Variants in STARD9 observed in about 807,000 individuals in gnomAD.
The protein encoded by STARD9 is StAR related lipid transfer domain containing 9.
STARD9 carries 346 observed loss-of-function variants against 399.8 expected under a neutral mutation model. That is an observed-to-expected ratio of 0.87 (90% CI 0.79 to 0.95). STARD9 has a LOEUF of 0.95. Among genes scored for constraint, STARD9 ranks in the 40% least tolerant of loss-of-function variants. The pLI is 0.00. For missense variants in STARD9, 5,832 were observed against 5,667.5 expected (o/e 1.03, Z -0.93); for synonymous variants, 2,203 against 2,143.5 (o/e 1.03, Z -0.77).
intron 3 of STARD9, among the ~76,000 whole-genome samples, chr15:42,621,875 G>C (rs768786507): frequency 6.6e-6 from 1 of 152,112 alleles, no homozygotes; most frequent in Non-Finnish European, 1.5e-5. Context: ...TTCTGTTGGG[G>C]TATCACTGTT....
At chr15:42,615,424 A>C (rs1333319634) in intron 3 of STARD9, among the ~76,000 whole-genome samples, 5 of 152,166 alleles carry the variant, frequency 3.3e-5, no homozygotes, top group Non-Finnish European at 1.5e-5. Context: ...AATACATTGC[A>C]TCTTCCTTGG....
Position 42,690,768 on chromosome 15 carries a change from G to C in STARD9, c.9190G>C (p.Asp3064His), listed in dbSNP as rs750643220. The change falls in exon 23 of 33, where the codon GAC (aspartate) becomes CAC (histidine). Residue 3064 changes from aspartate (D) to histidine (H), a missense_variant. Asp to His is a moderately conservative substitution (Grantham distance 81). This residue lies in a region of STARD9 where 5,828 missense variants were observed against 5,651.1 expected (regional missense o/e 1.03). Coordinates refer to ENST00000290607, the MANE Select transcript of STARD9 (RefSeq NM_020759.3). ...AGGCTGCAGATCCCCTTCTGCTCCT[G>C]ACGTGAGGACAGGTTCCTTCAGCCA... ...AQGCRSPSAP[D>H]VRTGSFSHSA... The C allele has an allele frequency of 1.3e-6, 2 of 1,537,256 alleles. No homozygotes were observed. Among genetic ancestry groups the C allele is most frequent in the South Asian group, 2.4e-5 (2 of 84,060 alleles).
intron 16 of STARD9, chr15:42,671,059 C>T (rs1411454884): frequency 6.7e-6 from 1 of 150,160 alleles, no homozygotes; most frequent in African/African-American, 2.5e-5. Context: ...GGTTAAAGGA[C>T]ATGACTATTA....
Position 42,695,331 on chromosome 15 carries a change from G to A in STARD9, c.13146+8G>A. The A allele has an allele frequency of 2.6e-6, 4 of 1,525,294 alleles. No homozygotes were observed. The highest frequency in any genetic ancestry group is 2.0e-5 in the Admixed American group (1 of 50,460). The allele number at this position is 1,525,294 out of a possible 1,614,324, so 94.5% of individuals were successfully genotyped here. On this transcript the variant is annotated splice_region_variant and intron_variant, in intron 25 of 32. Transcript: ENST00000290607. ...ATTTCCCAGCTATTGAAGGTGTGGA[G>A]TGGGGCATGCCTCTGATTTCAGGAT...
At chr15:42,702,383 T>G (rs1202380493) in intron 26 of STARD9, among the ~76,000 whole-genome samples, 2 of 152,112 alleles carry the variant, frequency 1.3e-5, no homozygotes, top group African/African-American at 4.8e-5. Flanking sequence ...TTTGTATTTT[T>G]AGTAGAGACG....
At chr15:42,598,000 A>ATATGTGTGTGTGTG (rs1555388916) in intron 3 of STARD9, among the ~76,000 whole-genome samples, 6 of 115,110 alleles carry the variant, frequency 5.2e-5, no homozygotes, top group African/African-American at 2.1e-4. Context: ...GTATATATAT[A>ATATGTGTGTGTGTG]TGTGTGTGTG....
At chr15:42,642,264 G>C (rs540998521) in intron 7 of STARD9, among the ~76,000 whole-genome samples, 3 of 152,296 alleles carry the variant, frequency 2.0e-5, no homozygotes, top group African/African-American at 7.2e-5. Context: ...TTCCAGTTCA[G>C]AATTGTGAGA....
intron 20 of STARD9, among the ~76,000 whole-genome samples, chr15:42,677,117 A>AT (rs11375798): frequency 6.8e-5 from 10 of 146,284 alleles, no homozygotes; most frequent in East Asian, 6.0e-4. Context: ...AAAAAAAAAA[A>AT]GCTGGGCATG....
At chr15:42,656,956 A>G (rs1483200783) in intron 9 of STARD9, among the ~76,000 whole-genome samples, 1 of 152,186 alleles carries the variant, frequency 6.6e-6, no homozygotes, top group East Asian at 1.9e-4. Flanking sequence ...TCACCACTAA[A>G]GAACTTATTC....
intron 3 of STARD9, among the ~76,000 whole-genome samples, chr15:42,617,925 A>G (rs1290903732): frequency 1.3e-5 from 2 of 151,786 alleles, no homozygotes; most frequent in Admixed American, 1.3e-4. Flanking sequence ...ACACTCTGCT[A>G]ATTTTTTTAT....
At position 42,689,742 on chromosome 15, in the gene STARD9, A is replaced by C; in HGVS notation, c.8164A>C (p.Ser2722Arg). The C allele has an allele frequency of 6.5e-7, 1 of 1,537,858 alleles. No individual in the cohort carries two copies. Among genetic ancestry groups the C allele is most frequent in the Non-Finnish European group, 8.7e-7 (1 of 1,147,030 alleles). ...CTCAGCTGATCCTTTGGCCCCAGAC[A>C]GTCCTCGTTCTTCAGCACCTGTGGA... The part of the protein sequence containing the change: ...PSSADPLAPD[S>R]PRSSAPVEEV... The change falls in exon 23 of 33, where the codon AGT becomes CGT. Residue 2722 changes from serine (S) to arginine (R), a missense_variant. This residue lies in a region of STARD9 where 5,828 missense variants were observed against 5,651.1 expected (regional missense o/e 1.03). Coordinates refer to ENST00000290607, the MANE Select transcript of STARD9 (RefSeq NM_020759.3).
At chr15:42,656,657 AAAT>A (rs2059879476) in intron 9 of STARD9, among the ~76,000 whole-genome samples, 1 of 152,208 alleles carries the variant, frequency 6.6e-6, no homozygotes, top group Non-Finnish European at 1.5e-5. Context: ...AAAAGGCACC[AAAT>A]AATAGCATTT....
intron 10 of STARD9, 121 bp from the exon 11 acceptor site, chr15:42,662,673 A>T: frequency 1.7e-6 from 1 of 576,924 alleles, no homozygotes; most frequent in Non-Finnish European, 2.9e-6. Flanking sequence ...TTCTAAAAGG[A>T]ATTTATTATG....
chr15:42,633,715 C>A (rs2059372246), intron 3 of STARD9, among the ~76,000 whole-genome samples: 1 of 150,970 alleles, frequency 6.6e-6, no homozygotes, highest in Admixed American at 6.6e-5. Flanking sequence ...ACGATCTCAG[C>A]TCATTGCACT....
At chr15:42,592,945 G>A (rs1266050423) in intron 3 of STARD9, among the ~76,000 whole-genome samples, 1 of 152,032 alleles carries the variant, frequency 6.6e-6, no homozygotes, top group African/African-American at 2.4e-5. Context: ...GCTTACTTTG[G>A]GCAAGTTGCT....
Position 42,684,786 on chromosome 15 carries a change from A to G in STARD9, c.3208A>G (p.Arg1070Gly), listed in dbSNP as rs761144565. The G allele has an allele frequency of 2.5e-5, 38 of 1,537,140 alleles. No homozygotes were observed. The African/African-American group carries it at 2.9e-4, about 12-fold the overall frequency. ...CTTGCCTCTTGGCAGTCCTTTGAAG[A>G]GACAACAAAATACAAGGGACCCAGA... Reference protein sequence around the residue: ...SHLPLGSPLKRQQNTRDPDTM... With the variant: ...SHLPLGSPLKGQQNTRDPDTM... The change falls in exon 23 of 33, where the codon AGA becomes GGA. Residue 1070 changes from arginine (R) to glycine (G), a missense_variant. Arg to Gly is a moderately radical substitution (Grantham distance 125, BLOSUM62 -2). Transcript: ENST00000290607.
intron 3 of STARD9, among the ~76,000 whole-genome samples, chr15:42,586,173 A>G (rs974425679): frequency 3.4e-4 from 52 of 152,324 alleles, no homozygotes; most frequent in African/African-American, 1.2e-3. Flanking sequence ...TTCTGCTCCT[A>G]TGATAGGTGA....
chr15:42,688,371 A>G lies in STARD9; in HGVS notation c.6793A>G (p.Asn2265Asp). ...SQVAEHVSSS[N>D]QEEPKAQGKV... ...AGTAGCTGAACACGTAAGTAGTTCC[A>G]ACCAAGAAGAGCCAAAAGCTCAAGG... Residue 2265 changes from asparagine to aspartate, a missense_variant, in exon 23 of 33, where the codon AAC becomes GAC. Asn to Asp is a conservative substitution (Grantham distance 23). Around this residue, in one of 2 missense-constraint regions of STARD9, gnomAD observed 5,828 missense variants for 5,651.1 expected, o/e 1.03. Coordinates refer to ENST00000290607, the MANE Select transcript of STARD9 (RefSeq NM_020759.3). 6.5e-7 allele frequency: 1 copy of G among 1,536,898 alleles called. No homozygotes were observed. Among genetic ancestry groups the G allele is most frequent in the Non-Finnish European group, 8.7e-7 (1 of 1,146,974 alleles).
At chr15:42,655,782 T>A (rs756943396) in intron 9 of STARD9, among the ~76,000 whole-genome samples, 29 of 152,044 alleles carry the variant, frequency 1.9e-4, no homozygotes, top group Non-Finnish European at 3.1e-4. Flanking sequence ...AAAGAAATAA[T>A]CAGCAAACAG....
Sources: allele counts gnomAD v4.1 joint callset (sites outside exome capture counted in the v4.1 genomes callset), GRCh38; gene constraint gnomAD v4.1.1; regional missense constraint gnomAD v4.1.1; transcripts MANE v1.5; gene names NCBI Gene and HGNC (gene_info 2026-07-23, HGNC 2026-07-21).